SNTG1: variants seen among roughly 807,000 people sequenced by gnomAD.
SNTG1 encodes gamma-1-syntrophin.
In SNTG1, 39 loss-of-function variants were observed where a neutral mutation model predicts 74.7. The observed-to-expected ratio is 0.52, with a 90% CI of 0.40 to 0.68. The LOEUF (loss-of-function observed/expected upper bound fraction) is 0.68, where lower values mean the gene tolerates loss of function less well. Among genes scored for constraint, SNTG1 ranks in the 30% least tolerant of loss-of-function variants. SNTG1 has a pLI of 0.00. For synonymous variants in SNTG1, 254 were observed against 217.1 expected (o/e 1.17, Z -1.49); for missense variants, 685 against 609.5 (o/e 1.12, Z -1.30).
chr8:50,772,999 A>G (rs1585755419), intron 18 of SNTG1, among the ~76,000 whole-genome samples: 2 of 152,080 alleles, frequency 1.3e-5, no homozygotes, highest in South Asian at 4.1e-4. Context: ...CAGCTTTCCC[A>G]CCTTGGACCT....
intron 2 of SNTG1, among the ~76,000 whole-genome samples, chr8:50,281,912 A>G (rs1296002127): frequency 6.6e-6 from 1 of 152,162 alleles, no homozygotes. Context: ...TTAAGTTTAG[A>G]AAGCCAAGCC....
At position 50,784,954 on chromosome 8, in the gene SNTG1, C is replaced by G. The variant is rs141639989; in HGVS notation, c.1396-7717C>G. Among the ~76,000 whole-genome samples, 854 of 151,492 alleles carry G rather than the reference C, an allele frequency of 5.6e-3. 16 individuals carry two copies. The highest frequency in any genetic ancestry group is 0.041 in the Admixed American group (619 of 15,220). On this transcript the variant is annotated intron_variant, in intron 18 of 18. Coordinates refer to ENST00000642720, the MANE Select transcript of SNTG1 (RefSeq NM_018967.5). ...TATTAAAAGCAAATTACTAAATAAC[C>G]AATGGGTCAAAAAAAATCACGGTGA...
At chr8:50,781,648 C>G (rs1008047872) in intron 18 of SNTG1, among the ~76,000 whole-genome samples, 6 of 152,100 alleles carry the variant, frequency 3.9e-5, no homozygotes, top group Admixed American at 1.3e-4. Flanking sequence ...TGGGTCTTGA[C>G]TGTTTATCCA....
chr8:50,030,215 TAG>T (rs1478415244), intron 1 of SNTG1, among the ~76,000 whole-genome samples: 1 of 152,138 alleles, frequency 6.6e-6, no homozygotes, highest in African/African-American at 2.4e-5. Flanking sequence ...TTTTGTCTGA[TAG>T]AGTTTTTTGA....
intron 2 of SNTG1, among the ~76,000 whole-genome samples, chr8:50,320,091 G>T (rs1232843460): frequency 2.0e-5 from 3 of 152,152 alleles, no homozygotes; most frequent in African/African-American, 7.2e-5. Context: ...ATTGGTGTTA[G>T]TCGTTCTTTC....
intron 18 of SNTG1, among the ~76,000 whole-genome samples, chr8:50,760,775 G>A (rs1294837417): frequency 1.3e-5 from 2 of 152,000 alleles, no homozygotes; most frequent in Admixed American, 1.3e-4. Context: ...AAATCGAGAA[G>A]AGATGGATGA....
At chr8:50,670,993 T>A (rs1458797645) in intron 15 of SNTG1, among the ~76,000 whole-genome samples, 5 of 150,408 alleles carry the variant, frequency 3.3e-5, no homozygotes, top group Admixed American at 6.6e-5. Context: ...TAGCCATATG[T>A]AGAAAGCTGA....
intron 13 of SNTG1, among the ~76,000 whole-genome samples, chr8:50,613,640 A>C (rs566790535): frequency 6.6e-6 from 1 of 152,168 alleles, no homozygotes; most frequent in South Asian, 2.1e-4. Context: ...CAAAATACAC[A>C]TACATGGCTG....
intron 13 of SNTG1, among the ~76,000 whole-genome samples, chr8:50,608,080 G>A (rs560869283): frequency 1.3e-5 from 2 of 151,604 alleles, no homozygotes; most frequent in African/African-American, 4.8e-5. Flanking sequence ...CATATTTCAC[G>A]TGATTACAAA....
At chr8:50,677,374 T>C (rs2095313263) in intron 15 of SNTG1, among the ~76,000 whole-genome samples, 1 of 151,980 alleles carries the variant, frequency 6.6e-6, no homozygotes. Flanking sequence ...AATATCTGGT[T>C]AGTAAAATTT....
At chr8:49,935,407 T>TC (rs1318388498) in intron 1 of SNTG1, among the ~76,000 whole-genome samples, 4,096 of 149,104 alleles carry the variant, frequency 0.027, 185 homozygotes, top group African/African-American at 0.088. Context: ...TTTTTTTTTT[T>TC]TGGTGTCAAG....
chr8:50,197,206 T>A (rs1162423028), intron 2 of SNTG1, among the ~76,000 whole-genome samples: 2 of 152,192 alleles, frequency 1.3e-5, no homozygotes, highest in African/African-American at 4.8e-5. Context: ...TATTATTTGG[T>A]CTATGGAAAA....
rs1311619511 is a variant in SNTG1, at chr8:49,992,617, G to A, written c.-103+80386G>A. On this transcript the variant is annotated intron_variant, in intron 1 of 18. Coordinates refer to ENST00000642720, the MANE Select transcript of SNTG1 (RefSeq NM_018967.5). ...CCCACACATCTGCATTGACAAATGG[G>A]TGGTGTTGGAAGAAACTTAAATTGC... 3.9e-5 allele frequency among the ~76,000 whole-genome samples: 6 copies of A among 152,226 alleles called. No individual in the cohort carries two copies. The South Asian group carries it at 6.2e-4, about 16-fold the overall frequency.
intron 2 of SNTG1, among the ~76,000 whole-genome samples, chr8:50,368,163 T>A (rs2092168473): frequency 6.6e-6 from 1 of 152,104 alleles, no homozygotes; most frequent in Non-Finnish European, 1.5e-5. Flanking sequence ...TCTGAGAAGG[T>A]CTCAGATGGA....
Position 50,691,354 on chromosome 8 carries a change from T to C in SNTG1, c.1039-13246T>C, listed in dbSNP as rs373412055. 2.7e-3 allele frequency among the ~76,000 whole-genome samples: 409 copies of C among 152,324 alleles called. 5 individuals are homozygous for C. The highest frequency in any genetic ancestry group is 0.02 in the South Asian group (97 of 4,828). ...GTTTCTTCCTAGCCTTGATGGTCTT[T>C]ACAATTTGGCATATTTTTGCAGTGG... On this transcript the variant is annotated intron_variant, in intron 15 of 18. Coordinates refer to ENST00000642720, the MANE Select transcript of SNTG1 (RefSeq NM_018967.5).
chr8:50,128,388 G>A (rs927087739), intron 1 of SNTG1, among the ~76,000 whole-genome samples: 8 of 152,134 alleles, frequency 5.3e-5, no homozygotes, highest in African/African-American at 1.9e-4. Context: ...CGTATAGAAA[G>A]AGCCTGTAGA....
chr8:50,720,923 T>G (rs1386609423), intron 17 of SNTG1, among the ~76,000 whole-genome samples: 1 of 152,236 alleles, frequency 6.6e-6, no homozygotes, highest in Non-Finnish European at 1.5e-5. Context: ...ATAGTTAACA[T>G]AGGGTTTAGT....
At chr8:50,392,600 C>A (rs750659822) in intron 2 of SNTG1, among the ~76,000 whole-genome samples, 7 of 152,100 alleles carry the variant, frequency 4.6e-5, no homozygotes, top group Non-Finnish European at 8.8e-5. Context: ...CTGAGGAACT[C>A]AATCCAAATA....
intron 12 of SNTG1, among the ~76,000 whole-genome samples, chr8:50,589,494 G>A (rs1264654856): frequency 1.3e-5 from 2 of 151,534 alleles, no homozygotes; most frequent in Non-Finnish European, 1.5e-5. Context: ...TTTCTATCCC[G>A]TGTTTTGCTC....
Sources: allele counts gnomAD v4.1 joint callset (sites outside exome capture counted in the v4.1 genomes callset), GRCh38; gene constraint gnomAD v4.1.1; transcripts MANE v1.5; gene names NCBI Gene and HGNC (gene_info 2026-07-23, HGNC 2026-07-21).